The following BLM variants were observed in gnomAD, a reference collection of about 807,000 sequenced individuals.
BLM encodes BLM RecQ like helicase, also known as recQ-like DNA helicase BLM.
Under a neutral mutation model 135.3 loss-of-function variants are expected in BLM, and 95 were observed. The ratio of observed to expected loss-of-function variants is 0.70; its 90% confidence interval spans 0.59 to 0.83. The LOEUF (loss-of-function observed/expected upper bound fraction) is 0.83. BLM is among the 40% of genes least tolerant of loss of function. BLM has a pLI of 0.00. For synonymous variants in BLM, 520 were observed against 589.2 expected (o/e 0.88, Z 1.70); for missense variants, 1,518 against 1,663.9 (o/e 0.91, Z 1.53).
At chr15:90,719,834 T>A (rs1279975211) in intron 1 of BLM, among the ~76,000 whole-genome samples, 2 of 152,198 alleles carry the variant, frequency 1.3e-5, no homozygotes, top group African/African-American at 4.8e-5. Context: ...TCCTAGGACT[T>A]CAGTGCTGAA....
intron 12 of BLM, among the ~76,000 whole-genome samples, chr15:90,770,799 T>G (rs1896292078): frequency 6.6e-6 from 1 of 152,224 alleles, no homozygotes; most frequent in Non-Finnish European, 1.5e-5. Flanking sequence ...CAACAGTATC[T>G]CTTAGAGGGT....
At chr15:90,782,722 C>T (rs2151177928) in intron 12 of BLM, 100 bp from the exon 13 acceptor site, 2 of 886,874 alleles carry the variant, frequency 2.3e-6, no homozygotes, top group East Asian at 2.6e-5. Context: ...TACCATCACA[C>T]TGGGGGTTAG....
intron 12 of BLM, among the ~76,000 whole-genome samples, chr15:90,774,443 G>A (rs1186662433): frequency 6.6e-6 from 1 of 152,030 alleles, no homozygotes; most frequent in African/African-American, 2.4e-5. Flanking sequence ...ATCAACACTT[G>A]TTACTGTCTT....
rs185885533 is a variant in BLM at position 90,718,141 on chromosome 15, G to C, written c.-5+701G>C. Among the ~76,000 whole-genome samples, 292 of 152,132 alleles carry C rather than the reference G, an allele frequency of 1.9e-3. 1 individual carries two copies. Among genetic ancestry groups the C allele is most frequent in the African/African-American group, 6.8e-3 (283 of 41,514 alleles). On this transcript the variant is annotated intron_variant, in intron 1 of 21. Coordinates refer to ENST00000355112, the MANE Select transcript of BLM (RefSeq NM_000057.4). ...CGACTTAATATATGCAATAATAAATGCTTCGAAGGCTACCTGTTACATAGT... is the reference window on the plus strand; with the variant it reads ...CGACTTAATATATGCAATAATAAATCCTTCGAAGGCTACCTGTTACATAGT...
At chr15:90,773,786 A>G (rs557610763) in intron 12 of BLM, among the ~76,000 whole-genome samples, 24 of 152,218 alleles carry the variant, frequency 1.6e-4, no homozygotes, top group African/African-American at 5.8e-4. Context: ...AGGTTCCTCC[A>G]TGTTGTAGCC....
intron 12 of BLM, among the ~76,000 whole-genome samples, chr15:90,770,871 A>G (rs1896294066): frequency 6.6e-6 from 1 of 152,266 alleles, no homozygotes; most frequent in South Asian, 2.1e-4. Flanking sequence ...TAAGATAGCT[A>G]CAAAAGCTTT....
chr15:90,747,608 C>T (rs1424828998), intron 2 of BLM, 118 bp downstream of exon 2: 1 of 743,086 alleles, frequency 1.3e-6, no homozygotes, highest in Non-Finnish European at 2.4e-6. Flanking sequence ...CTGAGAGATT[C>T]ATTGATTTTC....
intron 12 of BLM, among the ~76,000 whole-genome samples, chr15:90,777,819 C>G (rs1205427734): frequency 6.6e-6 from 1 of 152,206 alleles, no homozygotes; most frequent in Non-Finnish European, 1.5e-5. Flanking sequence ...AGCGAGAAAC[C>G]TGGTACCCAT....
At chr15:90,814,348 T>A (rs1478160622) in intron 21 of BLM, among the ~76,000 whole-genome samples, 2 of 152,144 alleles carry the variant, frequency 1.3e-5, no homozygotes, top group African/African-American at 4.8e-5. Flanking sequence ...GTTTTGTTTG[T>A]TTTTATTTTA....
intron 5 of BLM, among the ~76,000 whole-genome samples, chr15:90,756,100 T>G (rs1402028850): frequency 1.3e-5 from 2 of 151,876 alleles, no homozygotes; most frequent in Non-Finnish European, 2.9e-5. Flanking sequence ...AACTTTAAGG[T>G]AGTTTCCTTT....
chr15:90,815,240 A>T lies in BLM; in HGVS notation c.4215A>T (p.Ile1405=), dbSNP rs1596276635. The change falls in exon 22 of 22, where the codon ATA becomes ATT. Residue 1405 remains isoleucine (I), a synonymous_variant. Transcript: ENST00000355112. The surrounding 1 kb of genome is among the most constrained non-coding windows in gnomAD (Gnocchi z 4.6). ...KLGIMAPPKP[I]NRPFLKPSYA... is the part of the protein sequence containing the mutation. Reference sequence around the variant, plus strand: ...GGATTATGGCTCCACCGAAGCCTATAAATAGACCGTTTCTTAAGCCTTCAT... The same window carrying T: ...GGATTATGGCTCCACCGAAGCCTATTAATAGACCGTTTCTTAAGCCTTCAT... The T allele has an allele frequency of 1.2e-6, 2 of 1,614,182 alleles. No homozygotes were observed. Among genetic ancestry groups the T allele is most frequent in the Non-Finnish European group, 1.7e-6 (2 of 1,180,028 alleles).
chr15:90,807,731 C>G (rs1242638804), intron 19 of BLM, among the ~76,000 whole-genome samples: 1 of 152,184 alleles, frequency 6.6e-6, no homozygotes, highest in Non-Finnish European at 1.5e-5. Flanking sequence ...CAAATGTATT[C>G]CCTGCTACTC....
Position 90,781,002 on chromosome 15 carries a change from G to A in BLM, c.2556-1820G>A, listed in dbSNP as rs376351755. ...TCCCCCATGGGAAACCAAGGGATGTGAAAATTGAGGGTCTGAATTTGTTTA... is the reference window on the plus strand; with the variant it reads ...TCCCCCATGGGAAACCAAGGGATGTAAAAATTGAGGGTCTGAATTTGTTTA... On this transcript the variant is annotated intron_variant, in intron 12 of 21. Coordinates refer to ENST00000355112, the MANE Select transcript of BLM (RefSeq NM_000057.4). Among the ~76,000 whole-genome samples the A allele has an allele frequency of 2.6e-5, 4 of 152,328 alleles. No homozygotes were observed. The East Asian group carries it at 5.8e-4, about 22-fold the overall frequency.
At chr15:90,809,692 G>A (rs950237265) in intron 20 of BLM, among the ~76,000 whole-genome samples, 2 of 152,202 alleles carry the variant, frequency 1.3e-5, no homozygotes, top group African/African-American at 2.4e-5. Context: ...GTGTTTAAAT[G>A]TTTTGGAGAA....
chr15:90,726,918 A>G (rs567872955), intron 1 of BLM, among the ~76,000 whole-genome samples: 44 of 152,282 alleles, frequency 2.9e-4, no homozygotes, highest in African/African-American at 1.1e-3. Context: ...TCTTTGATAT[A>G]CTGACATCTT....
In BLM at chr15:90,795,633, C is replaced by G. The variant is rs1897012067; in HGVS notation, c.3210+1276C>G. On this transcript the variant is annotated intron_variant, in intron 16 of 21. Coordinates refer to ENST00000355112, the MANE Select transcript of BLM (RefSeq NM_000057.4). ...CCTTAAACATTGCTATCAGTTCCCT[C>G]ATTCAACAGATATTTGTTGGGCTGT... Among the ~76,000 whole-genome samples the G allele has an allele frequency of 4.6e-5, 7 of 152,232 alleles. No individual in the cohort carries two copies. The South Asian group carries it at 1.5e-3, about 32-fold the overall frequency.
In BLM at chr15:90,804,236, CAGAG is replaced by C; in HGVS notation, c.3629_3632del (p.Gln1210ArgfsTer68). The C allele has an allele frequency of 6.2e-7, 1 of 1,614,136 alleles. No individual in the cohort carries two copies. Among genetic ancestry groups the C allele is most frequent in the Non-Finnish European group, 8.5e-7 (1 of 1,179,998 alleles). On this transcript the variant is annotated frameshift_variant, in exon 19 of 22. Coordinates refer to ENST00000355112, the MANE Select transcript of BLM (RefSeq NM_000057.4). LOFTEE classifies it high-confidence loss of function. ...AAAAGCGTTAGTAGCAAAAGTGTCT[CAGAG>C]GGAAGAGATGGTTAAAAAATGTCTT...
At chr15:90,742,228 G>A (rs554904055) in intron 1 of BLM, among the ~76,000 whole-genome samples, 2 of 152,092 alleles carry the variant, frequency 1.3e-5, no homozygotes, top group East Asian at 1.9e-4. Flanking sequence ...TTTTTTGATC[G>A]TTCTTAGTTA....
chr15:90,760,774 C>G lies in BLM; in HGVS notation c.1401C>G (p.Asp467Glu). ...CCTCAAATTCTGTTTCTCCTGGGGA[C>G]TGTTTACTGACTACCACCCTAGGAA... ...HLPSNSVSPGDCLLTTTLGKT... is the reference protein window; with the variant it reads ...HLPSNSVSPGECLLTTTLGKT... Residue 467 changes from aspartate to glutamate, a missense_variant, in exon 7 of 22, where the codon GAC becomes GAG. Physicochemically the swap from Asp to Glu is conservative, Grantham distance 45 (BLOSUM62 2). Transcript: ENST00000355112. 6.2e-7 allele frequency: 1 copy of G among 1,614,010 alleles called. No homozygotes were observed. Among genetic ancestry groups the G allele is most frequent in the Non-Finnish European group, 8.5e-7 (1 of 1,179,976 alleles).
Sources: gnomAD v4.1 joint callset for allele counts (sites outside exome capture counted in the v4.1 genomes callset) on GRCh38, gnomAD v4.1.1 for gene constraint, Gnocchi (gnomAD v3.1) non-coding constraint, MANE v1.5 for transcripts, NCBI Gene and HGNC (gene_info 2026-07-23, HGNC 2026-07-21) for gene names.